The following CSMD1 variants were observed in gnomAD, a reference collection of about 807,000 sequenced individuals.
CSMD1 encodes the protein CUB and sushi domain-containing protein 1.
CSMD1 carries 213 observed loss-of-function variants against 417.5 expected under a neutral mutation model. The observed-to-expected ratio is 0.51, with a 90% CI of 0.46 to 0.57. The LOEUF is 0.57. Among genes scored for constraint, CSMD1 ranks in the 20% least tolerant of loss-of-function variants. CSMD1 has a pLI of 0.00. For synonymous variants in CSMD1, 2,862 were observed against 1,736.8 expected (o/e 1.65, Z -16.11); for missense variants, 6,923 against 4,529.7 (o/e 1.53, Z -15.17).
rs142532019 is a variant in CSMD1, at chr8:4,656,912, C to G, written c.86-19354G>C. On this transcript the variant is annotated intron_variant, in intron 1 of 69. Coordinates refer to ENST00000635120, the MANE Select transcript of CSMD1 (RefSeq NM_033225.6). ...TTATCTGTCCTAATCCATCTGGGGG[C>G]GGCCTGAAACACTGACAAAAGGTGT... 2.1e-3 allele frequency among the ~76,000 whole-genome samples: 324 copies of G among 152,164 alleles called. 2 individuals carry two copies. Among genetic ancestry groups the G allele is most frequent in the African/African-American group, 7.6e-3 (315 of 41,502 alleles).
intron 50 of CSMD1, among the ~76,000 whole-genome samples, chr8:3,045,565 C>G (rs1438604461): frequency 1.3e-5 from 2 of 152,156 alleles, no homozygotes; most frequent in African/African-American, 4.8e-5. Context: ...AGCCACTGGT[C>G]TATTACCTAT....
intron 2 of CSMD1, among the ~76,000 whole-genome samples, chr8:4,559,125 G>A (rs1798218589): frequency 6.6e-6 from 1 of 152,122 alleles, no homozygotes; most frequent in African/African-American, 2.4e-5. Flanking sequence ...GGTTAAATAC[G>A]CAAATAGGCC....
At chr8:4,310,208 A>G (rs149944031) in intron 3 of CSMD1, among the ~76,000 whole-genome samples, 131 of 152,256 alleles carry the variant, frequency 8.6e-4, no homozygotes, top group African/African-American at 3.0e-3. Context: ...CTTTCCATCT[A>G]GTGGAGGATT....
intron 1 of CSMD1, among the ~76,000 whole-genome samples, chr8:4,653,068 G>T (rs534131688): frequency 1.3e-5 from 2 of 152,112 alleles, no homozygotes; most frequent in South Asian, 2.1e-4. Context: ...TGGGGACCCC[G>T]CTCTAGAGGA....
chr8:3,689,178 T>C (rs572732936), intron 7 of CSMD1, among the ~76,000 whole-genome samples: 79 of 152,314 alleles, frequency 5.2e-4, no homozygotes, highest in African/African-American at 1.8e-3. Context: ...GAACATGTCA[T>C]GACTTTCAGG....
At chr8:4,112,295 C>T (rs1470620477) in intron 3 of CSMD1, among the ~76,000 whole-genome samples, 2 of 152,174 alleles carry the variant, frequency 1.3e-5, no homozygotes, top group Non-Finnish European at 2.9e-5. Context: ...TGTGCCTGCT[C>T]CCGCACATTT....
intron 5 of CSMD1, among the ~76,000 whole-genome samples, chr8:3,842,902 A>G (rs1803225871): frequency 6.6e-6 from 1 of 152,178 alleles, no homozygotes. Context: ...AAATAAAAAT[A>G]TAAAATTTTA....
At chr8:4,193,033 C>G (rs1488770094) in intron 3 of CSMD1, among the ~76,000 whole-genome samples, 2 of 152,170 alleles carry the variant, frequency 1.3e-5, no homozygotes, top group Non-Finnish European at 2.9e-5. Flanking sequence ...CTTGGAATAT[C>G]TTAAGTTAAT....
chr8:3,488,700 T>C (rs1285837489), intron 11 of CSMD1, among the ~76,000 whole-genome samples: 1 of 152,162 alleles, frequency 6.6e-6, no homozygotes, highest in Non-Finnish European at 1.5e-5. Flanking sequence ...GCAAGAACGC[T>C]TCCAGATAAG....
intron 5 of CSMD1, among the ~76,000 whole-genome samples, chr8:3,872,471 G>T (rs567008442): frequency 6.6e-6 from 1 of 152,166 alleles, no homozygotes; most frequent in African/African-American, 2.4e-5. Flanking sequence ...AAAGCTGTGG[G>T]ACAAGGCAGG....
At chr8:3,875,189 G>C (rs892402953) in intron 5 of CSMD1, among the ~76,000 whole-genome samples, 2 of 152,152 alleles carry the variant, frequency 1.3e-5, no homozygotes, top group African/African-American at 2.4e-5. Flanking sequence ...AGTGGGGAAG[G>C]AGTGGAACAG....
intron 33 of CSMD1, among the ~76,000 whole-genome samples, chr8:3,193,130 T>C (rs1796514997): frequency 6.6e-6 from 1 of 152,166 alleles, no homozygotes; most frequent in Non-Finnish European, 1.5e-5. Flanking sequence ...GCTATACAAA[T>C]ATATTTGAGA....
At chr8:4,016,236 T>C (rs1030571992) in intron 4 of CSMD1, among the ~76,000 whole-genome samples, 2 of 152,134 alleles carry the variant, frequency 1.3e-5, no homozygotes, top group African/African-American at 4.8e-5. Flanking sequence ...ATCTCTCCAT[T>C]CCCTTTGCTT....
At chr8:3,680,969 C>T (rs1452828568) in intron 7 of CSMD1, among the ~76,000 whole-genome samples, 4 of 152,108 alleles carry the variant, frequency 2.6e-5, no homozygotes, top group African/African-American at 7.2e-5. Flanking sequence ...GCAGAAAAAG[C>T]CTTTGACAAA....
intron 13 of CSMD1, among the ~76,000 whole-genome samples, chr8:3,409,170 C>A (rs562838279): frequency 6.6e-6 from 1 of 152,278 alleles, no homozygotes; most frequent in Non-Finnish European, 1.5e-5. Context: ...ATGTGATGAC[C>A]CTTTCTGGTA....
chr8:3,982,063 C>G (rs1813913142), intron 5 of CSMD1, among the ~76,000 whole-genome samples: 1 of 151,668 alleles, frequency 6.6e-6, no homozygotes, highest in Admixed American at 6.6e-5. Context: ...CCCAGCTACG[C>G]AGGAGAATGG....
chr8:3,190,106 C>G lies in CSMD1; in HGVS notation c.5204G>C (p.Arg1735Pro), dbSNP rs992855692. The stretch of plus-strand genomic sequence containing the variant: ...AGAGCTGCATTGGGTGTCACTGGTA[C>G]GAGGAACAGCTAGAAGCAAAGTACA... ...GFHFVYQAVP[R>P]TSDTQCSSVP... The change falls in exon 34 of 70, where the codon CGT becomes CCT. Residue 1735 changes from arginine (R) to proline (P), a missense_variant. Transcript: ENST00000635120. 1 of 1,586,162 alleles carries G rather than the reference C, an allele frequency of 6.3e-7. No homozygotes were observed. Among genetic ancestry groups the G allele is most frequent in the Non-Finnish European group, 8.6e-7 (1 of 1,166,176 alleles).
chr8:4,339,893 C>T (rs564645556), intron 3 of CSMD1, among the ~76,000 whole-genome samples: 1 of 152,124 alleles, frequency 6.6e-6, no homozygotes, highest in African/African-American at 2.4e-5. Context: ...GGCATGGTGG[C>T]ACGCACCAGT....
chr8:4,249,585 G>C (rs1802927423), intron 3 of CSMD1, among the ~76,000 whole-genome samples: 2 of 152,168 alleles, frequency 1.3e-5, no homozygotes, highest in South Asian at 4.1e-4. Context: ...GCTTGAAGCT[G>C]TGTATTGAGA....
Sources: allele counts gnomAD v4.1 joint callset (sites outside exome capture counted in the v4.1 genomes callset), GRCh38; gene constraint gnomAD v4.1.1; transcripts MANE v1.5; gene names NCBI Gene and HGNC (gene_info 2026-07-23, HGNC 2026-07-21).